The following KLHL1 variants were observed in gnomAD, a reference collection of about 807,000 sequenced individuals.
The protein encoded by KLHL1 is kelch like family member 1.
A neutral mutation model predicts 77.7 loss-of-function variants in KLHL1; 47 were observed. The observed-to-expected ratio is 0.60, with a 90% CI of 0.48 to 0.77. The LOEUF (loss-of-function observed/expected upper bound fraction) is 0.77, where lower values mean the gene tolerates loss of function less well. Ranked by LOEUF, KLHL1 falls within the 30% of genes least tolerant of loss-of-function variation. KLHL1 has a pLI of 0.00. For synonymous variants in KLHL1, 360 were observed against 325.2 expected, an observed-to-expected ratio of 1.11 and a Z score of -1.15; for missense variants, 925 against 910.8, an observed-to-expected ratio of 1.02 and a Z score of -0.20.
intron 4 of KLHL1, among the ~76,000 whole-genome samples, chr13:69,919,237 G>A (rs1882551306): frequency 6.6e-6 from 1 of 152,054 alleles, no homozygotes; most frequent in Admixed American, 6.6e-5. Context: ...AAGCATCTGT[G>A]TTTCCCATGC....
intron 1 of KLHL1, among the ~76,000 whole-genome samples, chr13:70,034,973 T>C (rs1043748389): frequency 2.0e-5 from 3 of 152,118 alleles, no homozygotes; most frequent in African/African-American, 4.8e-5. Flanking sequence ...ACAATTTAAA[T>C]AAAGTGATTT....
At chr13:69,952,872 T>G (rs1883754912) in intron 3 of KLHL1, among the ~76,000 whole-genome samples, 1 of 151,408 alleles carries the variant, frequency 6.6e-6, no homozygotes, top group African/African-American at 2.4e-5. Flanking sequence ...CTTGTTTATA[T>G]TTGCTTGTTT....
At chr13:69,826,032 G>A (rs956414338) in intron 6 of KLHL1, among the ~76,000 whole-genome samples, 2 of 152,054 alleles carry the variant, frequency 1.3e-5, no homozygotes, top group African/African-American at 4.8e-5. Context: ...AGTTGCTTTT[G>A]TTAAGTGAAC....
At chr13:69,899,597 ACAG>A in intron 4 of KLHL1, among the ~76,000 whole-genome samples, 1 of 152,300 alleles carries the variant, frequency 6.6e-6, no homozygotes. Flanking sequence ...AAAGCTGTGA[ACAG>A]CACACTTGGA....
intron 4 of KLHL1, among the ~76,000 whole-genome samples, chr13:69,890,634 CCACACACACACGCACACACA>C (rs1881390530): frequency 6.7e-6 from 1 of 148,890 alleles, no homozygotes; most frequent in Admixed American, 6.7e-5. Context: ...TATTTTTCTT[CCACACACACACGCACACACA>C]CACACACACA....
intron 4 of KLHL1, among the ~76,000 whole-genome samples, chr13:69,925,082 C>G (rs1882769211): frequency 6.6e-6 from 1 of 152,202 alleles, no homozygotes; most frequent in African/African-American, 2.4e-5. Context: ...GCCTCACAGG[C>G]TGAGTGGGTC....
intron 1 of KLHL1, among the ~76,000 whole-genome samples, chr13:69,981,944 T>A (rs1346289409): frequency 2.6e-5 from 4 of 151,952 alleles, no homozygotes; most frequent in African/African-American, 9.7e-5. Context: ...ATAATAACTT[T>A]TTTTCAGAAA....
intron 4 of KLHL1, among the ~76,000 whole-genome samples, chr13:69,884,751 T>G (rs996197087): frequency 6.6e-6 from 1 of 152,150 alleles, no homozygotes; most frequent in African/African-American, 2.4e-5. Context: ...TAAATTGGTT[T>G]GCTTTTATCA....
Position 69,994,579 on chromosome 13 carries a change from A to T in KLHL1, c.498-18777T>A, listed in dbSNP as rs145210328. 3.4e-3 allele frequency among the ~76,000 whole-genome samples: 525 copies of T among 152,256 alleles called. 5 individuals are homozygous for T. Among genetic ancestry groups the T allele is most frequent in the African/African-American group, 0.012 (499 of 41,570 alleles). Reference sequence around the variant, plus strand: ...TTACAAGATATATCACACATCAAATAAATTACAGTATTGTACTAATGTATA... The same window carrying T: ...TTACAAGATATATCACACATCAAATTAATTACAGTATTGTACTAATGTATA... On this transcript the variant is annotated intron_variant, in intron 1 of 10. Transcript: ENST00000377844.
chr13:69,748,726 C>A (rs866728850), intron 7 of KLHL1, among the ~76,000 whole-genome samples: 1 of 151,820 alleles, frequency 6.6e-6, no homozygotes, highest in East Asian at 1.9e-4. Flanking sequence ...TAACAGTGCT[C>A]GGCAAATGAT....
At chr13:70,082,971 C>T (rs1165995104) in intron 1 of KLHL1, among the ~76,000 whole-genome samples, 9 of 151,916 alleles carry the variant, frequency 5.9e-5, no homozygotes, top group Non-Finnish European at 8.8e-5. Context: ...TAGAAACTAA[C>T]GGGTAGGGAA....
At chr13:69,752,360 GT>G (rs1874525288) in intron 7 of KLHL1, among the ~76,000 whole-genome samples, 2 of 151,986 alleles carry the variant, frequency 1.3e-5, no homozygotes, top group Admixed American at 1.3e-4. Flanking sequence ...TAAAAATATT[GT>G]TCCAGAATCT....
intron 9 of KLHL1, among the ~76,000 whole-genome samples, 186 bp downstream of exon 9, chr13:69,719,183 C>CGTGTGTGTGTGTGT (rs761517378): frequency 1.5e-4 from 16 of 103,864 alleles, no homozygotes; most frequent in African/African-American, 2.8e-4. Context: ...AAAGAAAGTA[C>CGTGTGTGTGTGTGT]GTGTGTGTGT....
chr13:70,077,801 T>C (rs188803214), intron 1 of KLHL1, among the ~76,000 whole-genome samples: 7 of 152,116 alleles, frequency 4.6e-5, no homozygotes, highest in African/African-American at 1.4e-4. Context: ...TTTAGAAACA[T>C]ATTATATACA....
At chr13:70,055,214 G>A (rs1247744154) in intron 1 of KLHL1, among the ~76,000 whole-genome samples, 1 of 152,028 alleles carries the variant, frequency 6.6e-6, no homozygotes, top group Non-Finnish European at 1.5e-5. Context: ...CAATACATCC[G>A]GCAGCTGACT....
intron 3 of KLHL1, among the ~76,000 whole-genome samples, chr13:69,946,060 T>C (rs1293818763): frequency 6.6e-6 from 1 of 152,142 alleles, no homozygotes; most frequent in Non-Finnish European, 1.5e-5. Flanking sequence ...ATAATTAGGC[T>C]GAGTGAAAGA....
At chr13:70,076,592 C>G (rs971078894) in intron 1 of KLHL1, among the ~76,000 whole-genome samples, 1 of 151,262 alleles carries the variant, frequency 6.6e-6, no homozygotes, top group Non-Finnish European at 1.5e-5. Flanking sequence ...GACACAACAC[C>G]AAAAGCCCAA....
At chr13:70,075,700 T>C (rs1469039369) in intron 1 of KLHL1, among the ~76,000 whole-genome samples, 3 of 143,908 alleles carry the variant, frequency 2.1e-5, no homozygotes, top group African/African-American at 7.7e-5. Flanking sequence ...CGTGTGTATA[T>C]ATGAAAATTA....
At chr13:70,098,835 AC>A (rs1280331827) in intron 1 of KLHL1, among the ~76,000 whole-genome samples, 1 of 151,782 alleles carries the variant, frequency 6.6e-6, no homozygotes, top group African/African-American at 2.4e-5. Flanking sequence ...ATCTCTTCTT[AC>A]ATTTTTTTCA....
Sources: gnomAD v4.1 joint callset for allele counts (sites outside exome capture counted in the v4.1 genomes callset) on GRCh38, gnomAD v4.1.1 for gene constraint, MANE v1.5 for transcripts, NCBI Gene and HGNC (gene_info 2026-07-23, HGNC 2026-07-21) for gene names.